NELL1: variants seen among roughly 807,000 people sequenced by gnomAD.
NELL1 encodes the protein protein kinase C-binding protein NELL1.
Under a neutral mutation model 107.4 loss-of-function variants are expected in NELL1, and 76 were observed. The ratio of observed to expected loss-of-function variants is 0.71; its 90% CI spans 0.59 to 0.86. The LOEUF is 0.86. NELL1 is among the 40% of genes least tolerant of loss of function. The pLI, the probability that NELL1 is intolerant of heterozygous loss-of-function variation, is 0.00. For missense variants in NELL1, 1,024 were observed against 1,005.5 expected (o/e 1.02, Z -0.25); for synonymous variants, 353 against 341.2 (o/e 1.03, Z -0.38).
chr11:21,171,792 G>A (rs1397747480), intron 13 of NELL1, among the ~76,000 whole-genome samples: 1 of 151,716 alleles, frequency 6.6e-6, no homozygotes, highest in Admixed American at 6.6e-5. Context: ...TGCAGGGTGT[G>A]AATTTGGGTT....
intron 3 of NELL1, among the ~76,000 whole-genome samples, chr11:20,815,891 C>G (rs961850930): frequency 6.6e-6 from 1 of 152,084 alleles, no homozygotes; most frequent in Non-Finnish European, 1.5e-5. Context: ...TTTTTCCTGG[C>G]AACATTTATT....
intron 13 of NELL1, among the ~76,000 whole-genome samples, chr11:21,164,761 C>T (rs1269786705): frequency 6.6e-6 from 1 of 152,116 alleles, no homozygotes; most frequent in African/African-American, 2.4e-5. Flanking sequence ...AACAAAAATC[C>T]TCTGATTTGT....
intron 15 of NELL1, among the ~76,000 whole-genome samples, chr11:21,523,040 G>C (rs1224054119): frequency 6.6e-6 from 1 of 151,162 alleles, no homozygotes; most frequent in Non-Finnish European, 1.5e-5. Context: ...GTAGAAACGG[G>C]GTTTCACCAT....
intron 12 of NELL1, among the ~76,000 whole-genome samples, chr11:21,060,878 G>C (rs1312812060): frequency 1.3e-5 from 2 of 152,094 alleles, no homozygotes; most frequent in African/African-American, 4.8e-5. Context: ...TGGGATTACA[G>C]GTGTGCACCA....
chr11:21,253,506 G>A (rs1358296904), intron 14 of NELL1, among the ~76,000 whole-genome samples: 1 of 152,044 alleles, frequency 6.6e-6, no homozygotes, highest in East Asian at 1.9e-4. Flanking sequence ...ACTTGCTCAA[G>A]GTCATACTAC....
At chr11:20,794,269 G>A (rs1857128850) in intron 3 of NELL1, among the ~76,000 whole-genome samples, 1 of 152,154 alleles carries the variant, frequency 6.6e-6, no homozygotes, top group African/African-American at 2.4e-5. Flanking sequence ...TTGATTGGTT[G>A]AGGTGTTACC....
At chr11:21,558,397 A>G (rs1228875444) in intron 16 of NELL1, among the ~76,000 whole-genome samples, 1 of 147,194 alleles carries the variant, frequency 6.8e-6, no homozygotes, top group African/African-American at 2.6e-5. Context: ...ATCAAGCTAC[A>G]TAATATATAT....
At chr11:20,682,976 T>A (rs534041519) in intron 2 of NELL1, among the ~76,000 whole-genome samples, 33 of 152,180 alleles carry the variant, frequency 2.2e-4, no homozygotes, top group Admixed American at 1.8e-3. Flanking sequence ...ACCAATAAAA[T>A]AATTTGTGTT....
intron 5 of NELL1, among the ~76,000 whole-genome samples, chr11:20,900,747 C>A (rs1185949096): frequency 3.3e-5 from 5 of 151,970 alleles, no homozygotes; most frequent in African/African-American, 1.2e-4. Context: ...TGTTTATTAG[C>A]AGAGTGTATG....
intron 12 of NELL1, among the ~76,000 whole-genome samples, chr11:21,062,876 G>T (rs1853775372): frequency 6.6e-6 from 1 of 151,882 alleles, no homozygotes. Context: ...CGCCCAGACT[G>T]GGGTGCATTG....
intron 2 of NELL1, among the ~76,000 whole-genome samples, chr11:20,722,019 CTTT>C (rs34558225): frequency 1.1e-3 from 28 of 26,008 alleles, no homozygotes; most frequent in East Asian, 8.9e-3. Context: ...CTGAGTCTCT[CTTT>C]TTTTTTTTTT....
intron 16 of NELL1, among the ~76,000 whole-genome samples, chr11:21,534,728 G>T (rs1351969990): frequency 6.6e-6 from 1 of 152,090 alleles, no homozygotes; most frequent in Admixed American, 6.6e-5. Context: ...TGTGACAGAG[G>T]AACAAAACCT....
intron 12 of NELL1, among the ~76,000 whole-genome samples, chr11:21,059,265 G>GT (rs59203638): frequency 0.18 from 25,098 of 142,870 alleles, 2,231 homozygotes; most frequent in Middle Eastern, 0.29. Flanking sequence ...GTTTTGTTTT[G>GT]TTTTTTTTTT....
chr11:21,536,935 G>A (rs564446296), intron 16 of NELL1, among the ~76,000 whole-genome samples: 2 of 152,090 alleles, frequency 1.3e-5, no homozygotes, highest in Non-Finnish European at 2.9e-5. Flanking sequence ...TGAAGGATGC[G>A]GTAAAATTCC....
At chr11:20,691,831 A>G (rs1336223019) in intron 2 of NELL1, among the ~76,000 whole-genome samples, 1 of 151,862 alleles carries the variant, frequency 6.6e-6, no homozygotes, top group South Asian at 2.1e-4. Flanking sequence ...CTCTTTTTCT[A>G]TTGATTGGAA....
intron 12 of NELL1, among the ~76,000 whole-genome samples, chr11:21,039,095 A>C (rs74608117): frequency 0.027 from 4,052 of 152,214 alleles, 172 homozygotes; most frequent in African/African-American, 0.093. Context: ...GTGGGAGATA[A>C]ATGTAAGGTC....
intron 14 of NELL1, among the ~76,000 whole-genome samples, chr11:21,348,487 C>T (rs1270442058): frequency 6.6e-6 from 1 of 151,978 alleles, no homozygotes; most frequent in Non-Finnish European, 1.5e-5. Context: ...TGGTGCTTTA[C>T]CATTCATGAG....
At chr11:21,183,911 A>C (rs1489387450) in intron 13 of NELL1, among the ~76,000 whole-genome samples, 1 of 151,880 alleles carries the variant, frequency 6.6e-6, no homozygotes, top group Non-Finnish European at 1.5e-5. Context: ...AAAGGAAAAA[A>C]ATCTGCGTTT....
At chr11:21,550,235 T>C (rs1856544842) in intron 16 of NELL1, among the ~76,000 whole-genome samples, 1 of 152,066 alleles carries the variant, frequency 6.6e-6, no homozygotes, top group South Asian at 2.1e-4. Flanking sequence ...AGATTCTGGA[T>C]ATTAGCCCTT....
Sources: gnomAD v4.1 joint callset for allele counts (sites outside exome capture counted in the v4.1 genomes callset) on GRCh38, gnomAD v4.1.1 for gene constraint, MANE v1.5 for transcripts, NCBI Gene and HGNC (gene_info 2026-07-23, HGNC 2026-07-21) for gene names.